The following RNF4 variants were observed in gnomAD, a reference collection of about 807,000 sequenced individuals.
RNF4 encodes the protein E3 ubiquitin-protein ligase RNF4.
A neutral mutation model predicts 24.3 loss-of-function variants in RNF4; 7 were observed. The ratio of observed to expected loss-of-function variants is 0.29; its 90% CI spans 0.16 to 0.54. RNF4 has a LOEUF of 0.54. Among genes scored for constraint, RNF4 ranks in the 20% least tolerant of loss-of-function variants. The pLI, the probability that RNF4 is intolerant of heterozygous loss-of-function variation, is 0.95. For synonymous variants in RNF4, 83 were observed against 84.3 expected (o/e 0.98, Z 0.09); for missense variants, 209 against 248.5 (o/e 0.84, Z 1.07).
At position 2,500,197 on chromosome 4, in the gene RNF4, C is replaced by T. The variant is rs148196971; in HGVS notation, c.125-462C>T. ...AAAAAAGAATTTGCCCTAGATTAAC[C>T]GATGAAGTTACTAAGCTAAGCCTGA... On this transcript the variant is annotated intron_variant, in intron 3 of 7. Transcript: ENST00000314289. Among the ~76,000 whole-genome samples the T allele has an allele frequency of 1.4e-4, 22 of 151,808 alleles. 1 individual carries two copies. In the East Asian group the frequency reaches 3.9e-3, roughly 27 times the overall value.
At chr4:2,479,270 C>T (rs967984638) in intron 1 of RNF4, among the ~76,000 whole-genome samples, 6 of 152,112 alleles carry the variant, frequency 3.9e-5, no homozygotes, top group Non-Finnish European at 2.9e-5. Context: ...TGCCTTGTCT[C>T]GGATGAGACT....
chr4:2,484,067 T>TTCCCCCCCCCCCCCCCCCCCCC (rs113878655), intron 1 of RNF4, among the ~76,000 whole-genome samples: 1 of 13,248 alleles, frequency 7.5e-5, no homozygotes, highest in Admixed American at 7.1e-4. Flanking sequence ...CCTCAGGTGA[T>TTCCCCCCCCCCCCCCCCCCCCC]CCCCCCCCGC....
chr4:2,484,324 T>C (rs987973289), intron 1 of RNF4, among the ~76,000 whole-genome samples: 4 of 151,932 alleles, frequency 2.6e-5, no homozygotes, highest in Non-Finnish European at 4.4e-5. Flanking sequence ...CAGCTGACTC[T>C]TTGCTCATAG....
chr4:2,474,095 G>A (rs1396386251), intron 1 of RNF4, among the ~76,000 whole-genome samples: 5 of 151,554 alleles, frequency 3.3e-5, no homozygotes, highest in African/African-American at 1.2e-4. Flanking sequence ...AAATAAAAGG[G>A]CCAGGCAAGG....
intron 1 of RNF4, among the ~76,000 whole-genome samples, chr4:2,477,629 A>G (rs1055972908): frequency 6.6e-6 from 1 of 152,134 alleles, no homozygotes; most frequent in Non-Finnish European, 1.5e-5. Flanking sequence ...GAGTTTCCCT[A>G]CACAAGCTCT....
intron 2 of RNF4, among the ~76,000 whole-genome samples, chr4:2,496,619 C>CCT (rs1735743151): frequency 6.6e-6 from 1 of 152,112 alleles, no homozygotes. Flanking sequence ...TGCCACCACG[C>CCT]CCAGCTAACT....
chr4:2,513,369 T>C (rs1036097736), intron 7 of RNF4, among the ~76,000 whole-genome samples: 1 of 152,166 alleles, frequency 6.6e-6, no homozygotes, highest in African/African-American at 2.4e-5. Flanking sequence ...CGGGTGCAAA[T>C]GCGTCCTCCT....
At chr4:2,497,666 G>C (rs1298011261) in intron 3 of RNF4, among the ~76,000 whole-genome samples, 1 of 152,080 alleles carries the variant, frequency 6.6e-6, no homozygotes, top group Non-Finnish European at 1.5e-5. Flanking sequence ...ATAGAGTCTT[G>C]CTCTGTCGCC....
intron 1 of RNF4, among the ~76,000 whole-genome samples, chr4:2,489,534 T>C (rs1735517729): frequency 6.6e-6 from 1 of 152,206 alleles, no homozygotes. Context: ...TAGCAGGCTG[T>C]GCTTAACGAG....
At chr4:2,513,551 C>A in intron 7 of RNF4, 119 bp from the exon 8 acceptor site, 2 of 1,208,794 alleles carry the variant, frequency 1.7e-6, no homozygotes, top group South Asian at 1.4e-5. Context: ...CCTGTTGTAG[C>A]CTGGCCCTTG....
At chr4:2,491,922 GGT>G (rs1249713932) in intron 2 of RNF4, among the ~76,000 whole-genome samples, 1 of 151,312 alleles carries the variant, frequency 6.6e-6, no homozygotes, top group East Asian at 1.9e-4. Flanking sequence ...AAATTGGCCA[GGT>G]GCGGTGGCTT....
intron 2 of RNF4, among the ~76,000 whole-genome samples, chr4:2,492,856 A>ATC (rs1560406770): frequency 6.6e-6 from 1 of 152,202 alleles, no homozygotes; most frequent in African/African-American, 2.4e-5. Context: ...GCCTTAACCC[A>ATC]TCTCTGCTTA....
rs1736277128 is a variant in RNF4 at position 2,511,845 on chromosome 4, A to G, written c.205-111A>G. 8 of 1,105,938 alleles carry G rather than the reference A, an allele frequency of 7.2e-6. No individual in the cohort carries two copies. The East Asian group carries it at 2.1e-4, about 28-fold the overall frequency. 68.5% of individuals were successfully genotyped at this position (1,105,938 alleles called of 1,614,324 possible). ...GAGGGTGGGGCCTCTGCTGCTCACC[A>G]GAGGGTTCCACAGAGGGTGTCACAC... is the stretch of plus-strand genomic sequence containing the variant. On this transcript the variant is annotated intron_variant, in intron 4 of 7. Coordinates refer to ENST00000314289, the MANE Select transcript of RNF4 (RefSeq NM_002938.5).
rs1219621508 is a variant in RNF4, at chr4:2,515,023, A to T, written c.*1204A>T. 1 of 147,842 alleles carries T rather than the reference A, an allele frequency of 6.8e-6. No individual in the cohort carries two copies. The allele number at this position is 147,842 out of a possible 1,614,324, so 9.2% of individuals were successfully genotyped here. On this transcript the variant is annotated 3_prime_UTR_variant, in exon 8 of 8. Transcript: ENST00000314289. ...GCCTCAGGTTCTCTCAGGGGCAGCA[A>T]AGTGGCCCAAGCTGCCCCTGACAGC...
rs576009114 is a variant in RNF4 at position 2,498,603 on chromosome 4, G to A, written c.124+1482G>A. Among the ~76,000 whole-genome samples the A allele has an allele frequency of 2.7e-4, 41 of 152,270 alleles. 2 individuals carry two copies. In the South Asian group the frequency reaches 8.5e-3, roughly 32 times the overall value. ...ACAGCCCTTCTTTTTAATAAAGAAT[G>A]CAATAATTTTATATAAATTATATTG... On this transcript the variant is annotated intron_variant, in intron 3 of 7. Coordinates refer to ENST00000314289, the MANE Select transcript of RNF4 (RefSeq NM_002938.5).
chr4:2,508,713 T>C (rs938996699), intron 4 of RNF4, among the ~76,000 whole-genome samples: 2 of 152,024 alleles, frequency 1.3e-5, no homozygotes, highest in Non-Finnish European at 2.9e-5. Context: ...CAGGTTCAAG[T>C]GAGTCTCCTG....
intron 3 of RNF4, chr4:2,499,193 T>C (rs950728316): frequency 5.8e-5 from 22 of 380,996 alleles, no homozygotes; most frequent in African/African-American, 4.4e-4. Flanking sequence ...CGAGACTCTG[T>C]CTCAAAAAAA....
At chr4:2,509,209 G>A (rs943162615) in intron 4 of RNF4, among the ~76,000 whole-genome samples, 4 of 151,524 alleles carry the variant, frequency 2.6e-5, no homozygotes, top group Admixed American at 1.3e-4. Flanking sequence ...ATGAGCCACC[G>A]GGCCTGTGCT....
chr4:2,485,310 T>C (rs926965025), intron 1 of RNF4, among the ~76,000 whole-genome samples: 5 of 151,710 alleles, frequency 3.3e-5, no homozygotes, highest in East Asian at 1.9e-4. Context: ...AAGAAGGAGG[T>C]TTTGTCTGAG....
Sources: allele counts gnomAD v4.1 joint callset (sites outside exome capture counted in the v4.1 genomes callset), GRCh38; gene constraint gnomAD v4.1.1; transcripts MANE v1.5; gene names NCBI Gene and HGNC (gene_info 2026-07-23, HGNC 2026-07-21).